ALK: variants seen among roughly 807,000 people sequenced by gnomAD.
ALK encodes ALK receptor tyrosine kinase, also known as ALK tyrosine kinase receptor.
ALK carries 74 observed loss-of-function variants against 163.1 expected under a neutral mutation model. The observed-to-expected ratio is 0.45, with a 90% CI of 0.38 to 0.55. The LOEUF is 0.55. Among genes scored for constraint, ALK ranks in the 20% least tolerant of loss-of-function variants. ALK has a pLI of 0.00. For missense variants in ALK, 2,063 were observed against 2,105.3 expected (o/e 0.98, Z 0.39); for synonymous variants, 960 against 843.2 (o/e 1.14, Z -2.40).
chr2:29,275,279 G>T, intron 10 of ALK, 52 bp from the exon 11 acceptor site: 1 of 1,613,600 alleles, frequency 6.2e-7, no homozygotes, highest in South Asian at 1.1e-5. Flanking sequence ...TGATTTCAGG[G>T]TGAGAGATGA....
intron 3 of ALK, among the ~76,000 whole-genome samples, chr2:29,567,629 T>C (rs1674231551): frequency 6.6e-6 from 1 of 152,170 alleles, no homozygotes; most frequent in South Asian, 2.1e-4. Context: ...GCATGCTTGC[T>C]CCTTTTGGGG....
At chr2:29,592,193 G>A (rs956652684) in intron 3 of ALK, among the ~76,000 whole-genome samples, 16 of 152,048 alleles carry the variant, frequency 1.1e-4, no homozygotes, top group East Asian at 1.9e-4. Flanking sequence ...TGCTCCCTGC[G>A]GGTCTGACTC....
intron 1 of ALK, among the ~76,000 whole-genome samples, chr2:29,737,934 G>A (rs1679940163): frequency 6.6e-6 from 1 of 151,998 alleles, no homozygotes; most frequent in Non-Finnish European, 1.5e-5. Context: ...CTGAGCCAAG[G>A]TGAGCGGGAG....
At chr2:29,415,990 C>A (rs1239446832) in intron 4 of ALK, among the ~76,000 whole-genome samples, 1 of 152,192 alleles carries the variant, frequency 6.6e-6, no homozygotes. Context: ...ACCATCAGCT[C>A]CCCTGGATCT....
chr2:29,707,776 G>A (rs973096410), intron 2 of ALK, among the ~76,000 whole-genome samples: 3 of 152,272 alleles, frequency 2.0e-5, no homozygotes, highest in East Asian at 3.9e-4. Context: ...ATGGAGCCAT[G>A]CCACCAAAAC....
At chr2:29,281,107 A>T (rs1665707247) in intron 9 of ALK, among the ~76,000 whole-genome samples, 1 of 143,710 alleles carries the variant, frequency 7.0e-6, no homozygotes, top group Non-Finnish European at 1.5e-5. Flanking sequence ...GGATTGAAGG[A>T]AAGTTCTGGC....
At chr2:29,869,129 T>C (rs1666514070) in intron 1 of ALK, among the ~76,000 whole-genome samples, 1 of 152,212 alleles carries the variant, frequency 6.6e-6, no homozygotes, top group South Asian at 2.1e-4. Flanking sequence ...ACATTTTCAC[T>C]GTACCCTTTT....
chr2:29,333,656 C>T (rs1667521262), intron 5 of ALK, among the ~76,000 whole-genome samples: 1 of 152,150 alleles, frequency 6.6e-6, no homozygotes, highest in African/African-American at 2.4e-5. Flanking sequence ...GTCTCTGTCA[C>T]CTAGGTTGGA....
chr2:29,667,809 T>C (rs780955020), intron 3 of ALK, among the ~76,000 whole-genome samples: 7 of 152,112 alleles, frequency 4.6e-5, no homozygotes, highest in Non-Finnish European at 8.8e-5. Flanking sequence ...ATAGAATAAA[T>C]GTGGAAGTAT....
intron 3 of ALK, among the ~76,000 whole-genome samples, chr2:29,644,367 G>A (rs893448756): frequency 6.6e-6 from 1 of 151,498 alleles, no homozygotes; most frequent in African/African-American, 2.4e-5. Context: ...CCTGCACGTT[G>A]TGCACATGTA....
intron 3 of ALK, among the ~76,000 whole-genome samples, chr2:29,680,085 T>C (rs561701570): frequency 1.3e-5 from 2 of 152,158 alleles, no homozygotes; most frequent in Non-Finnish European, 2.9e-5. Flanking sequence ...CTGTACATGA[T>C]AAGCTATTGT....
chr2:29,824,891 G>A (rs549931397), intron 1 of ALK, among the ~76,000 whole-genome samples: 62 of 152,288 alleles, frequency 4.1e-4, no homozygotes, highest in African/African-American at 1.4e-3. Context: ...TGAGATTTGG[G>A]AGAGGCCAGA....
intron 3 of ALK, among the ~76,000 whole-genome samples, chr2:29,590,941 G>A (rs1675036256): frequency 6.6e-6 from 1 of 151,636 alleles, no homozygotes; most frequent in South Asian, 2.1e-4. Context: ...CGTGTTGGCG[G>A]GCGCCTGTAG....
In ALK at chr2:29,461,604, T is replaced by A. The variant is rs569572074; in HGVS notation, c.1154+70311A>T. 3.3e-5 allele frequency among the ~76,000 whole-genome samples: 5 copies of A among 152,268 alleles called. No homozygotes were observed. In the East Asian group the frequency reaches 9.7e-4, roughly 29 times the overall value. On this transcript the variant is annotated intron_variant, in intron 4 of 28. Coordinates refer to ENST00000389048, the MANE Select transcript of ALK (RefSeq NM_004304.5). ...ATCACAATACATGGTTTACTAAATA[T>A]TTTAAGTCCACTGTTCAGACCTATT... is the stretch of plus-strand genomic sequence containing the variant.
intron 3 of ALK, among the ~76,000 whole-genome samples, chr2:29,549,711 A>C (rs1673665392): frequency 6.6e-6 from 1 of 152,194 alleles, no homozygotes; most frequent in Non-Finnish European, 1.5e-5. Context: ...TTAGTCTCTA[A>C]ACTGAAATGG....
intron 1 of ALK, among the ~76,000 whole-genome samples, chr2:29,873,971 A>C (rs111423496): frequency 6.6e-6 from 1 of 152,110 alleles, no homozygotes; most frequent in Non-Finnish European, 1.5e-5. Context: ...TTTCAGCAGA[A>C]CCCAAATTTA....
At chr2:29,592,504 C>T (rs1675090150) in intron 3 of ALK, among the ~76,000 whole-genome samples, 1 of 152,200 alleles carries the variant, frequency 6.6e-6, no homozygotes, top group African/African-American at 2.4e-5. Flanking sequence ...GTTGTTTATT[C>T]TTTCCCTCTA....
At chr2:29,399,551 C>T (rs1480798122) in intron 4 of ALK, among the ~76,000 whole-genome samples, 1 of 152,194 alleles carries the variant, frequency 6.6e-6, no homozygotes, top group East Asian at 1.9e-4. Context: ...TAGTGTGTGC[C>T]TGAGCTTGGG....
At chr2:29,499,410 G>A (rs1365470205) in intron 4 of ALK, among the ~76,000 whole-genome samples, 3 of 152,034 alleles carry the variant, frequency 2.0e-5, no homozygotes, top group Non-Finnish European at 4.4e-5. Context: ...TGGTCAGGTT[G>A]GTTTTGAACC....
Sources: allele counts gnomAD v4.1 joint callset (sites outside exome capture counted in the v4.1 genomes callset), GRCh38; gene constraint gnomAD v4.1.1; transcripts MANE v1.5; gene names NCBI Gene and HGNC (gene_info 2026-07-23, HGNC 2026-07-21).